Variants in MEGF10 observed in about 807,000 individuals in gnomAD.
MEGF10 encodes the protein multiple EGF like domains 10.
In MEGF10, 86 loss-of-function variants were observed where a neutral mutation model predicts 147.5. That is an observed-to-expected ratio of 0.58 (90% confidence interval 0.49 to 0.70). MEGF10 has a LOEUF of 0.70. MEGF10 is among the 30% of genes least tolerant of loss of function. The probability of loss-of-function intolerance (pLI) is 0.00; values close to 1 mark genes in which losing one functional copy is unlikely to be tolerated. For synonymous variants in MEGF10, 478 were observed against 525.5 expected (o/e 0.91, Z 1.24); for missense variants, 1,329 against 1,487.3 (o/e 0.89, Z 1.75).
intron 16 of MEGF10, among the ~76,000 whole-genome samples, chr5:127,435,927 T>C (rs1488042894): frequency 6.6e-6 from 1 of 152,194 alleles, no homozygotes; most frequent in Non-Finnish European, 1.5e-5. Context: ...TAGCTTCACC[T>C]TGGCATCACC....
At chr5:127,287,427 G>A (rs78929487), upstream of MEGF10, among the ~76,000 whole-genome samples, 2,003 of 151,956 alleles carry the variant, frequency 0.013, 46 homozygotes, top group African/African-American at 0.045. Flanking sequence ...AAATTCCACT[G>A]TATTTCTCCA....
chr5:127,440,253 TTG>T, intron 17 of MEGF10, among the ~76,000 whole-genome samples: 1 of 152,308 alleles, frequency 6.6e-6, no homozygotes, highest in East Asian at 1.9e-4. Flanking sequence ...TTCAGGGAAG[TTG>T]ATATTATCTA....
At chr5:127,392,113 G>A (rs1454756152) in intron 5 of MEGF10, among the ~76,000 whole-genome samples, 2 of 152,186 alleles carry the variant, frequency 1.3e-5, no homozygotes, top group Admixed American at 1.3e-4. Context: ...TGTGCCTAAG[G>A]ACAGAGTTTC....
At chr5:127,388,282 G>A (rs1056073900) in intron 5 of MEGF10, among the ~76,000 whole-genome samples, 1 of 151,880 alleles carries the variant, frequency 6.6e-6, no homozygotes, top group Non-Finnish European at 1.5e-5. Context: ...CTGAGTAGCT[G>A]GGACTACAGG....
chr5:127,251,973 A>G, the MEGF10 span, among the ~76,000 whole-genome samples: 1 of 152,106 alleles, frequency 6.6e-6, no homozygotes, highest in African/African-American at 2.4e-5. Flanking sequence ...TTAAAAAGCA[A>G]TTTATAGAAA....
chr5:127,292,565 CTT>C lies in MEGF10; in HGVS notation c.-19+1510_-19+1511del, dbSNP rs368761923. 6.6e-5 allele frequency among the ~76,000 whole-genome samples: 10 copies of C among 152,288 alleles called. No homozygotes were observed. In the East Asian group the frequency reaches 1.7e-3, roughly 26 times the overall value. ...AGCTTCACTACCACCTATTGTCAAA[CTT>C]AGCTCAGACATGATCTTTGTATTGC... On this transcript the variant is annotated intron_variant, in intron 1 of 24. Transcript: ENST00000503335.
chr5:127,245,655 A>T, the MEGF10 span, among the ~76,000 whole-genome samples: 1 of 152,240 alleles, frequency 6.6e-6, no homozygotes, highest in African/African-American at 2.4e-5. Flanking sequence ...AGAAACTATC[A>T]TCAGAGTGAA....
the MEGF10 span, among the ~76,000 whole-genome samples, chr5:127,274,422 A>G: frequency 6.6e-6 from 1 of 152,152 alleles, no homozygotes; most frequent in Non-Finnish European, 1.5e-5. Context: ...GTAAGAGTAT[A>G]TTTCAATTTT....
At chr5:127,300,911 A>G (rs1347261245) in intron 1 of MEGF10, among the ~76,000 whole-genome samples, 1 of 152,188 alleles carries the variant, frequency 6.6e-6, no homozygotes. Context: ...TCTAAAACAA[A>G]TGCACCTCTC....
At chr5:127,292,863 T>C (rs1244546961) in intron 1 of MEGF10, among the ~76,000 whole-genome samples, 3 of 150,186 alleles carry the variant, frequency 2.0e-5, no homozygotes, top group African/African-American at 7.3e-5. Context: ...AGGTTTTATA[T>C]TTTAAAAATG....
intron 5 of MEGF10, among the ~76,000 whole-genome samples, chr5:127,374,004 G>A (rs1224726060): frequency 1.3e-5 from 2 of 152,162 alleles, no homozygotes; most frequent in African/African-American, 2.4e-5. Flanking sequence ...CTCACCAGAA[G>A]CACTCTGCTA....
chr5:127,266,002 A>G, the MEGF10 span, among the ~76,000 whole-genome samples: 4 of 152,262 alleles, frequency 2.6e-5, no homozygotes, highest in African/African-American at 9.6e-5. Flanking sequence ...TCCCATGCCT[A>G]TGTCCTGAAT....
chr5:127,339,547 T>C (rs1487089306), intron 3 of MEGF10, among the ~76,000 whole-genome samples: 1 of 152,160 alleles, frequency 6.6e-6, no homozygotes, highest in Non-Finnish European at 1.5e-5. Context: ...AAGCAATTCA[T>C]ATCTTCGCAT....
intron 17 of MEGF10, 71 bp downstream of exon 17, chr5:127,438,638 A>G: frequency 2.0e-6 from 3 of 1,538,250 alleles, no homozygotes; most frequent in Non-Finnish European, 2.7e-6. Flanking sequence ...TACCCTCCGC[A>G]TGCGTGACTG....
the MEGF10 span, among the ~76,000 whole-genome samples, chr5:127,233,347 C>T: frequency 0.4 from 60,535 of 151,968 alleles, 12,539 homozygotes; most frequent in Middle Eastern, 0.54. Flanking sequence ...CTCCTTCTCT[C>T]CTTTGTTACT....
intron 4 of MEGF10, 88 bp from the exon 5 acceptor site, chr5:127,369,822 A>G (rs912016573): frequency 1.0e-6 from 1 of 979,970 alleles, no homozygotes; most frequent in Non-Finnish European, 1.6e-6. Flanking sequence ...TTTAAGTGAT[A>G]CTTGAGACTT....
rs901480616 is a variant in MEGF10 at position 127,460,828 on chromosome 5, T to C, written c.*3510T>C. 6.5e-5 allele frequency: 6 copies of C among 91,960 alleles called. No homozygotes were observed. The allele number at this position is 91,960 out of a possible 1,614,324, so 5.7% of individuals were successfully genotyped here. A position where few individuals can be genotyped will look rare whatever the true frequency, so the allele number is the denominator to read the frequency against. The stretch of plus-strand genomic sequence containing the variant: ...GCTGAATGTTTAAGAGAGATTTTGG[T>C]CTTAAAGGCTTCACATCATGAAAGT... On this transcript the variant is annotated 3_prime_UTR_variant, in exon 25 of 25. Transcript: ENST00000503335.
chr5:127,416,460 C>T (rs1235696793), intron 9 of MEGF10, among the ~76,000 whole-genome samples: 2 of 152,142 alleles, frequency 1.3e-5, no homozygotes, highest in Non-Finnish European at 2.9e-5. Context: ...ATCTGAGACT[C>T]ACGCTCTGGT....
chr5:127,392,684 T>C (rs542027654), intron 5 of MEGF10, among the ~76,000 whole-genome samples: 1 of 152,344 alleles, frequency 6.6e-6, no homozygotes, highest in Non-Finnish European at 1.5e-5. Context: ...AGCCCGTGAA[T>C]GTAACCTGGG....
Sources: allele counts gnomAD v4.1 joint callset (sites outside exome capture counted in the v4.1 genomes callset), GRCh38; gene constraint gnomAD v4.1.1; transcripts MANE v1.5; gene names NCBI Gene and HGNC (gene_info 2026-07-23, HGNC 2026-07-21).